Variants in MED25 observed in about 807,000 individuals in gnomAD.
The protein encoded by MED25 is mediator complex subunit 25, also known as mediator of RNA polymerase II transcription subunit 25.
Under a neutral mutation model 89.4 loss-of-function variants are expected in MED25, and 62 were observed. The ratio of observed to expected loss-of-function variants is 0.69; its 90% confidence interval spans 0.57 to 0.86. MED25 has a LOEUF of 0.86. Ranked by LOEUF, MED25 falls within the 40% of genes least tolerant of loss-of-function variation. MED25 has a pLI of 0.00. For missense variants in MED25, 905 were observed against 1,005.2 expected (o/e 0.90, Z 1.35); for synonymous variants, 449 against 427.9 (o/e 1.05, Z -0.61).
At position 49,830,255 on chromosome 19, in the gene MED25, A is replaced by C; in HGVS notation, c.819+37A>C. ...TCCGGGAAGGGACATGCTTCTGGGG[A>C]CTTGCTGGAGCCCTGGCCCCTGGGG... On this transcript the variant is annotated intron_variant, in intron 7 of 17. Transcript: ENST00000312865. This position sits in a 1 kb window ranked among gnomAD's most constrained non-coding sequence, Gnocchi z 4.6. 6.3e-7 allele frequency: 1 copy of C among 1,598,012 alleles called. No homozygotes were observed.
chr19:49,828,431 A>T lies in MED25; in HGVS notation c.306-18A>T. ...GGGATGATGGCAACCCTGGGGGCTGACCGCTCTGCCCCTGCAGGTTCATGG... is the reference window on the plus strand; with the variant it reads ...GGGATGATGGCAACCCTGGGGGCTGTCCGCTCTGCCCCTGCAGGTTCATGG... On this transcript the variant is annotated intron_variant, in intron 3 of 17. Coordinates refer to ENST00000312865, the MANE Select transcript of MED25 (RefSeq NM_030973.4). 1 of 1,595,318 alleles carries T rather than the reference A, an allele frequency of 6.3e-7. No individual in the cohort carries two copies. The highest frequency in any genetic ancestry group is 8.6e-7 in the Non-Finnish European group (1 of 1,163,270).
chr19:49,821,021 C>T (rs757004121), intron 3 of MED25, among the ~76,000 whole-genome samples: 1 of 152,242 alleles, frequency 6.6e-6, no homozygotes, highest in Admixed American at 6.5e-5. Flanking sequence ...CATTTATTAT[C>T]TAACGCAGTT....
intron 3 of MED25, among the ~76,000 whole-genome samples, chr19:49,827,106 CA>C (rs1411541238): frequency 6.6e-6 from 1 of 152,168 alleles, no homozygotes; most frequent in Admixed American, 6.5e-5. Flanking sequence ...GACCACACTT[CA>C]GGGGGACAGG....
At position 49,831,204 on chromosome 19, in the gene MED25, A is replaced by C. The variant is rs937295556; in HGVS notation, c.1102-129A>C. The stretch of plus-strand genomic sequence containing the variant: ...GCATTTGGGGTCCTGCGGCTGGCCA[A>C]GTGCTGTTCTGGGGATGGAGGGGCA... On this transcript the variant is annotated intron_variant, in intron 9 of 17. Transcript: ENST00000312865. This position sits in a 1 kb window ranked among gnomAD's most constrained non-coding sequence, Gnocchi z 5.0. 21 of 1,053,642 alleles carry C rather than the reference A, an allele frequency of 2.0e-5. No individual in the cohort carries two copies. The African/African-American group carries it at 3.0e-4, about 15-fold the overall frequency. 65.3% of individuals were successfully genotyped at this position (1,053,642 alleles called of 1,614,324 possible). A position where few individuals can be genotyped will look rare whatever the true frequency, so the allele number is the denominator to read the frequency against.
chr19:49,822,628 TTC>T (rs1336651001), intron 3 of MED25, among the ~76,000 whole-genome samples: 2 of 150,064 alleles, frequency 1.3e-5, no homozygotes, highest in Admixed American at 1.4e-4. Flanking sequence ...ATGTCATTAT[TTC>T]TGTTACATTC....
chr19:49,838,093 C>T (rs892819488), downstream of MED25, among the ~76,000 whole-genome samples: 3 of 152,096 alleles, frequency 2.0e-5, no homozygotes, highest in African/African-American at 7.2e-5. Flanking sequence ...TTGCTGAGAG[C>T]GCGGTCCATG....
rs1470793607 is a variant in MED25, at chr19:49,835,788, G to A, written c.1808G>A (p.Gly603Glu). The change falls in exon 16 of 18, where the codon GGG becomes GAG. Residue 603 changes from glycine to glutamate, a missense_variant. By Grantham distance (98) the Gly-to-Glu change is moderately conservative (BLOSUM62 -2). Around this residue, in one of 3 missense-constraint regions of MED25, gnomAD observed 271 missense variants for 258.1 expected, o/e 1.05. Transcript: ENST00000312865. The surrounding 1 kb of genome is among the most constrained non-coding windows in gnomAD (Gnocchi z 6.2). ...ACCGTAGGGGCCTCTGGGGCCACGG[G>A]GCAGCCCCAGCCCCAAGGTACTGCC... ...QGTVGASGAT[G>E]QPQPQGTAQP... The A allele has an allele frequency of 6.2e-7, 1 of 1,607,122 alleles. No homozygotes were observed. The highest frequency in any genetic ancestry group is 8.5e-7 in the Non-Finnish European group (1 of 1,175,588).
chr19:49,818,924 G>C, intron 2 of MED25: 1 of 585,624 alleles, frequency 1.7e-6, no homozygotes. Flanking sequence ...GCTGAGGCCT[G>C]GATTCCTGGG....
intron 3 of MED25, among the ~76,000 whole-genome samples, chr19:49,822,175 A>G (rs2073987158): frequency 6.8e-6 from 1 of 147,344 alleles, no homozygotes; most frequent in Admixed American, 6.8e-5. Flanking sequence ...AGGCAGGAGA[A>G]TGGCGTGAAC....
intron 3 of MED25, chr19:49,819,851 G>A (rs1018718951): frequency 1.4e-4 from 26 of 183,522 alleles, no homozygotes; most frequent in Non-Finnish European, 2.5e-4. Context: ...TTGAAACAGT[G>A]TCTTGCTCTG....
At chr19:49,819,096 G>A in intron 2 of MED25, 76 bp from the exon 3 acceptor site, 3 of 1,569,450 alleles carry the variant, frequency 1.9e-6, no homozygotes, top group Non-Finnish European at 8.7e-7. Context: ...ACGGGAAGCT[G>A]GGAGCCCTGA....
Position 49,830,491 on chromosome 19 carries a change from T to G in MED25, c.820-20T>G. On this transcript the variant is annotated intron_variant, in intron 7 of 17. Transcript: ENST00000312865. This position sits in a 1 kb window ranked among gnomAD's most constrained non-coding sequence, Gnocchi z 4.6. Reference sequence around the variant, plus strand: ...CCATGGTCCTCACCAGTCCCTTCCCTTCTTCCCTTCTACCCACAGGTTCCC... The same window carrying G: ...CCATGGTCCTCACCAGTCCCTTCCCGTCTTCCCTTCTACCCACAGGTTCCC... The G allele has an allele frequency of 6.2e-7, 1 of 1,612,766 alleles. No homozygotes were observed.
Position 49,836,155 on chromosome 19 carries a change from G to A in MED25, c.1966-71G>A. 6.4e-7 allele frequency: 1 copy of A among 1,558,098 alleles called. No homozygotes were observed. The highest frequency in any genetic ancestry group is 8.8e-7 in the Non-Finnish European group (1 of 1,136,150). ...CTCACCACTAGCTGATTCCATCTCT[G>A]AGCAGTGTCTGTGTTGAGAGGTGGG... is the stretch of plus-strand genomic sequence containing the variant. On this transcript the variant is annotated intron_variant, in intron 16 of 17. Transcript: ENST00000312865. This position sits in a 1 kb window ranked among gnomAD's most constrained non-coding sequence, Gnocchi z 5.1.
Position 49,832,229 on chromosome 19 carries a change from C to T in MED25, c.1374+72C>T, listed in dbSNP as rs937495079. Reference sequence around the variant, plus strand: ...CTGCTGTCTCTTTCCTGTTCCCTGCCCCACCCCCACTCCCTGCCTCATGTC... The same window carrying T: ...CTGCTGTCTCTTTCCTGTTCCCTGCTCCACCCCCACTCCCTGCCTCATGTC... On this transcript the variant is annotated intron_variant, in intron 12 of 17. Coordinates refer to ENST00000312865, the MANE Select transcript of MED25 (RefSeq NM_030973.4). 3.2e-6 allele frequency: 5 copies of T among 1,553,188 alleles called. No homozygotes were observed. In the Admixed American group the frequency reaches 9.0e-5, roughly 28 times the overall value.
In MED25 at chr19:49,829,885, C is replaced by G. The variant is rs140944899; in HGVS notation, c.625C>G (p.Pro209Ala). 2 of 1,613,388 alleles carry G rather than the reference C, an allele frequency of 1.2e-6. No individual in the cohort carries two copies. The highest frequency in any genetic ancestry group is 1.7e-6 in the Non-Finnish European group (2 of 1,179,980). The change falls in exon 6 of 18, where the codon CCT becomes GCT. Residue 209 changes from proline (P) to alanine (A), a missense_variant. By Grantham distance (27) the Pro-to-Ala change is conservative. This residue lies in a region of MED25 where 501 missense variants were observed against 526.9 expected (regional missense o/e 0.95). Transcript: ENST00000312865. The surrounding 1 kb of genome is among the most constrained non-coding windows in gnomAD (Gnocchi z 4.6). ...APPALLEPLQ[P>A]PTDVSQDPRH... Reference sequence around the variant, plus strand: ...CCCGGCCTTGCTGGAGCCGCTGCAGCCTCCGACAGATGTGAGCCAGGACCC... The same window carrying G: ...CCCGGCCTTGCTGGAGCCGCTGCAGGCTCCGACAGATGTGAGCCAGGACCC...
chr19:49,830,414 G>A lies in MED25; in HGVS notation c.820-97G>A, dbSNP rs749121531. The A allele has an allele frequency of 7.7e-6, 10 of 1,302,770 alleles. No individual in the cohort carries two copies. Among genetic ancestry groups the A allele is most frequent in the Admixed American group, 1.8e-5 (1 of 56,140 alleles). The allele number at this position is 1,302,770 out of a possible 1,614,324, so 80.7% of individuals were successfully genotyped here. ...TGTGAGCTAAGCTATCCCAGCTGGT[G>A]CCTCATGGGGCCATGGGTGGTGTGA... is the stretch of plus-strand genomic sequence containing the variant. On this transcript the variant is annotated intron_variant, in intron 7 of 17. Transcript: ENST00000312865. This position sits in a 1 kb window ranked among gnomAD's most constrained non-coding sequence, Gnocchi z 4.6.
Position 49,834,146 on chromosome 19 carries a change from T to A in MED25, c.1483-840T>A, listed in dbSNP as rs1352176289. ...TTCCAGAGCAGGCATTCCTTTCACC[T>A]CCTATCCCGGACCTAGGCCACTGGG... On this transcript the variant is annotated intron_variant, in intron 13 of 17. Transcript: ENST00000312865. This position sits in a 1 kb window ranked among gnomAD's most constrained non-coding sequence, Gnocchi z 4.1. 6.6e-6 allele frequency: 1 copy of A among 152,142 alleles called. No individual in the cohort carries two copies. The highest frequency in any genetic ancestry group is 1.5e-5 in the Non-Finnish European group (1 of 68,042). The allele number at this position is 152,142 out of a possible 1,614,324, so 9.4% of individuals were successfully genotyped here.
intron 2 of MED25, 188 bp downstream of exon 2, chr19:49,818,804 C>T (rs2073958759): frequency 4.6e-6 from 3 of 647,554 alleles, no homozygotes; most frequent in Admixed American, 2.9e-5. Flanking sequence ...GGTGGAGGCG[C>T]TGGGGCCCGG....
chr19:49,829,202 G>A lies in MED25; in HGVS notation c.525+112G>A, dbSNP rs1264886735. The A allele has an allele frequency of 2.1e-6, 2 of 954,382 alleles. No homozygotes were observed. Among genetic ancestry groups the A allele is most frequent in the African/African-American group, 1.6e-5 (1 of 61,114 alleles). 59.1% of individuals were successfully genotyped at this position (954,382 alleles called of 1,614,324 possible). A position where few individuals can be genotyped will look rare whatever the true frequency, so the allele number is the denominator to read the frequency against. On this transcript the variant is annotated intron_variant, in intron 5 of 17. Coordinates refer to ENST00000312865, the MANE Select transcript of MED25 (RefSeq NM_030973.4). This position sits in a 1 kb window ranked among gnomAD's most constrained non-coding sequence, Gnocchi z 4.6. ...GGGTCTGAGGGAGGAGGCACTGGGG[G>A]CCTGGACTCTTGGGTCTAAGCGGGG...
Sources: gnomAD v4.1 joint callset for allele counts (sites outside exome capture counted in the v4.1 genomes callset) on GRCh38, gnomAD v4.1.1 for gene constraint, gnomAD v4.1.1 regional missense constraint, Gnocchi (gnomAD v3.1) non-coding constraint, MANE v1.5 for transcripts, NCBI Gene and HGNC (gene_info 2026-07-23, HGNC 2026-07-21) for gene names.